The following SUGCT variants were observed in gnomAD, a reference collection of about 807,000 sequenced individuals.
SUGCT encodes succinyl-CoA:glutarate CoA-transferase.
In SUGCT, 41 loss-of-function variants were observed where a neutral mutation model predicts 55.0. The observed-to-expected ratio is 0.74, with a 90% CI of 0.58 to 0.97. The LOEUF (loss-of-function observed/expected upper bound fraction) is 0.97, where lower values mean the gene tolerates loss of function less well. Among genes scored for constraint, SUGCT ranks in the 50% least tolerant of loss-of-function variants. SUGCT has a pLI of 0.00. For synonymous variants in SUGCT, 187 were observed against 200.4 expected (o/e 0.93, Z 0.56); for missense variants, 568 against 547.8 (o/e 1.04, Z -0.37).
intron 12 of SUGCT, among the ~76,000 whole-genome samples, chr7:40,697,349 G>C (rs1021670857): frequency 6.6e-6 from 1 of 152,080 alleles, no homozygotes; most frequent in Non-Finnish European, 1.5e-5. Flanking sequence ...ATAATTGATG[G>C]CTGGGCCAGG....
At chr7:40,714,900 C>T (rs539174027) in intron 12 of SUGCT, among the ~76,000 whole-genome samples, 4 of 152,326 alleles carry the variant, frequency 2.6e-5, no homozygotes, top group African/African-American at 7.2e-5. Flanking sequence ...TCAGTCTAAA[C>T]TCCCACACTG....
At chr7:40,975,496 T>C in the SUGCT span, among the ~76,000 whole-genome samples, 1 of 152,194 alleles carries the variant, frequency 6.6e-6, no homozygotes, top group Non-Finnish European at 1.5e-5. Context: ...AATAGTTGTA[T>C]TTTCTTTTCT....
chr7:40,977,896 T>A, the SUGCT span, among the ~76,000 whole-genome samples: 1 of 152,164 alleles, frequency 6.6e-6, no homozygotes, highest in Admixed American at 6.5e-5. Context: ...GGCTGATGTA[T>A]TTCTGTGATC....
chr7:40,862,707 T>C (rs1331806284), downstream of SUGCT, among the ~76,000 whole-genome samples: 2 of 151,390 alleles, frequency 1.3e-5, no homozygotes, highest in African/African-American at 4.8e-5. Context: ...AGTGTGTCCG[T>C]AAGCAAATGG....
intron 12 of SUGCT, among the ~76,000 whole-genome samples, chr7:40,572,145 G>A (rs546826342): frequency 6.6e-6 from 1 of 152,200 alleles, no homozygotes; most frequent in East Asian, 1.9e-4. Context: ...GATGTGGTCA[G>A]TGTTTGCTGG....
chr7:40,786,120 G>GA (rs1021981694), intron 13 of SUGCT, among the ~76,000 whole-genome samples: 2 of 152,104 alleles, frequency 1.3e-5, no homozygotes, highest in African/African-American at 4.8e-5. Flanking sequence ...AAAAAAGAAA[G>GA]AAAAAATCTT....
chr7:40,676,477 G>GA (rs1783983624), intron 12 of SUGCT, among the ~76,000 whole-genome samples: 1 of 149,744 alleles, frequency 6.7e-6, no homozygotes, highest in South Asian at 2.1e-4. Flanking sequence ...ACACCAAGGA[G>GA]AAAAATCCCT....
chr7:40,249,337 AT>A (rs1790179385), intron 7 of SUGCT, among the ~76,000 whole-genome samples: 23 of 113,658 alleles, frequency 2.0e-4, no homozygotes, highest in African/African-American at 6.3e-4. Flanking sequence ...ATATATATAT[AT>A]ATATATATAA....
chr7:40,625,896 A>G (rs1799504265), intron 12 of SUGCT, among the ~76,000 whole-genome samples: 1 of 152,212 alleles, frequency 6.6e-6, no homozygotes, highest in African/African-American at 2.4e-5. Flanking sequence ...TGATTTTAAA[A>G]AATTAAGCAA....
intron 12 of SUGCT, among the ~76,000 whole-genome samples, chr7:40,551,008 T>C (rs1795267434): frequency 6.6e-6 from 1 of 152,190 alleles, no homozygotes; most frequent in Admixed American, 6.5e-5. Context: ...GTGGCAGCCT[T>C]CTCCCTGCCT....
At chr7:40,510,252 T>C (rs1478136630) in intron 12 of SUGCT, among the ~76,000 whole-genome samples, 3 of 152,172 alleles carry the variant, frequency 2.0e-5, no homozygotes, top group African/African-American at 7.2e-5. Flanking sequence ...TTCTGTTTTT[T>C]TATTAAAATA....
chr7:40,501,261 T>A (rs937121584), intron 12 of SUGCT, among the ~76,000 whole-genome samples: 1 of 152,176 alleles, frequency 6.6e-6, no homozygotes, highest in African/African-American at 2.4e-5. Flanking sequence ...TCCCTGGGTG[T>A]AATATTTTAA....
intron 12 of SUGCT, among the ~76,000 whole-genome samples, chr7:40,642,825 AC>A (rs1441759936): frequency 6.6e-6 from 1 of 152,010 alleles, no homozygotes; most frequent in African/African-American, 2.4e-5. Flanking sequence ...CACCCACCTC[AC>A]CGCCTCCTTG....
chr7:40,235,844 C>A (rs1037239075), intron 6 of SUGCT, among the ~76,000 whole-genome samples: 1 of 152,050 alleles, frequency 6.6e-6, no homozygotes, highest in Admixed American at 6.6e-5. Flanking sequence ...AATGAGGGTG[C>A]TCTTTTACAA....
chr7:40,188,163 G>A (rs752755011), intron 3 of SUGCT, among the ~76,000 whole-genome samples: 20 of 152,014 alleles, frequency 1.3e-4, no homozygotes, highest in Non-Finnish European at 2.5e-4. Flanking sequence ...GATGGGCGCG[G>A]TGGCTCACGC....
chr7:40,705,873 G>A (rs1217283313), intron 12 of SUGCT, among the ~76,000 whole-genome samples: 5 of 152,128 alleles, frequency 3.3e-5, no homozygotes, highest in Admixed American at 1.3e-4. Flanking sequence ...GGACTGGTGT[G>A]GTACAAAGGG....
In SUGCT at chr7:40,504,730, G is replaced by A. The variant is rs145642917; in HGVS notation, c.1089+8344G>A. 4.9e-3 allele frequency among the ~76,000 whole-genome samples: 748 copies of A among 152,152 alleles called. 3 individuals are homozygous for A. The highest frequency in any genetic ancestry group is 0.017 in the African/African-American group (710 of 41,522). Reference sequence around the variant, plus strand: ...GTAACAGGTGTGAGCCACCGTGCCCGGCCTAGATCCAGTTGTCTCGGTACC... The same window carrying A: ...GTAACAGGTGTGAGCCACCGTGCCCAGCCTAGATCCAGTTGTCTCGGTACC... On this transcript the variant is annotated intron_variant, in intron 12 of 13. Coordinates refer to ENST00000335693, the MANE Select transcript of SUGCT (RefSeq NM_001193313.2).
At chr7:40,863,390 T>G (rs1358591788), downstream of SUGCT, among the ~76,000 whole-genome samples, 1 of 152,182 alleles carries the variant, frequency 6.6e-6, no homozygotes, top group Non-Finnish European at 1.5e-5. Flanking sequence ...CACCACTGAC[T>G]CTTTTGTGCC....
At chr7:40,999,249 C>G in the SUGCT span, among the ~76,000 whole-genome samples, 103 of 151,850 alleles carry the variant, frequency 6.8e-4, no homozygotes, top group Middle Eastern at 3.4e-3. Flanking sequence ...AAGTATTCTT[C>G]TTGTCTTCCT....
Sources: allele counts gnomAD v4.1 joint callset (sites outside exome capture counted in the v4.1 genomes callset), GRCh38; gene constraint gnomAD v4.1.1; transcripts MANE v1.5; gene names NCBI Gene and HGNC (gene_info 2026-07-23, HGNC 2026-07-21).